The following SRBD1 variants were observed in gnomAD, a reference collection of about 807,000 sequenced individuals.
SRBD1 encodes the protein S1 RNA binding domain 1.
In SRBD1, 88 loss-of-function variants were observed where a neutral mutation model predicts 115.3. That is an observed-to-expected ratio of 0.76 (90% CI 0.64 to 0.91). SRBD1 has a LOEUF of 0.91. Among genes scored for constraint, SRBD1 ranks in the 40% least tolerant of loss-of-function variants. The pLI is 0.00. For synonymous variants in SRBD1, 509 were observed against 407.7 expected (o/e 1.25, Z -2.99); for missense variants, 1,385 against 1,177.4 (o/e 1.18, Z -2.58).
chr2:45,414,249 C>A (rs72616919), intron 18 of SRBD1, among the ~76,000 whole-genome samples: 6,897 of 152,098 alleles, frequency 0.045, 305 homozygotes, highest in East Asian at 0.14. Context: ...TTAAGTATAA[C>A]CCATACCAAG....
At position 45,413,168 on chromosome 2, in the gene SRBD1, G is replaced by C; in HGVS notation, c.2459C>G (p.Pro820Arg). Reference protein sequence around the residue: ...SKTAVNVLLKPNPLDQTCIHP... With the variant: ...SKTAVNVLLKRNPLDQTCIHP... ...AATACAAGTTTGGTCCAAAGGATTT[G>C]GCTTCAGTAAAACATTCACTGCAGT... Residue 820 changes from proline (P) to arginine (R), a missense_variant, in exon 19 of 21, where the codon CCA becomes CGA. Pro to Arg is a moderately radical substitution (Grantham distance 103). Coordinates refer to ENST00000263736, the MANE Select transcript of SRBD1 (RefSeq NM_018079.5). 1 of 1,614,076 alleles carries C rather than the reference G, an allele frequency of 6.2e-7. No individual in the cohort carries two copies. The highest frequency in any genetic ancestry group is 8.5e-7 in the Non-Finnish European group (1 of 1,179,968).
intron 18 of SRBD1, among the ~76,000 whole-genome samples, chr2:45,413,910 C>A (rs564169355): frequency 6.6e-6 from 1 of 151,246 alleles, no homozygotes; most frequent in African/African-American, 2.4e-5. Flanking sequence ...CCAGTTTGGG[C>A]AACAGAGGGA....
rs773144678 is a variant in SRBD1, at chr2:45,546,821, A to G, written c.1785T>C (p.Ile595=). 1.2e-6 allele frequency: 2 copies of G among 1,614,134 alleles called. No homozygotes were observed. The highest frequency in any genetic ancestry group is 1.7e-6 in the Non-Finnish European group (2 of 1,180,000). The stretch of plus-strand genomic sequence containing the variant: ...TTTCCCTGCAGGCAGTTCCATTTCC[A>G]ATCACTACTGTGCTGCAGCTTCAAG... ...LLNFNCSTVV[I]GNGTACRETE... The change falls in exon 14 of 21, where the codon ATT becomes ATC. Residue 595 remains isoleucine (I), a synonymous_variant. Transcript: ENST00000263736.
Position 45,599,502 on chromosome 2 carries a change from C to A in SRBD1, c.595G>T (p.Ala199Ser), listed in dbSNP as rs1259906366. ...TCCTCTTTAGTACTATTGGCATTTG[C>A]TGGAAACTTGACAGGCTGCCCCTGA... ...YPQGQPVKFP[A>S]NANSTKEEVE... The change falls in exon 4 of 21, where the codon GCA becomes TCA. Residue 199 changes from alanine (A) to serine (S), a missense_variant. Transcript: ENST00000263736. The A allele has an allele frequency of 1.2e-6, 2 of 1,614,148 alleles. No homozygotes were observed. Among genetic ancestry groups the A allele is most frequent in the Admixed American group, 3.3e-5 (2 of 60,028 alleles).
At chr2:45,602,652 C>T (rs1394217370) in intron 2 of SRBD1, among the ~76,000 whole-genome samples, 1 of 152,066 alleles carries the variant, frequency 6.6e-6, no homozygotes, top group Non-Finnish European at 1.5e-5. Context: ...GGATCAGGTG[C>T]GACTATAGTA....
intron 4 of SRBD1, among the ~76,000 whole-genome samples, chr2:45,597,572 C>T (rs1467801083): frequency 3.9e-5 from 6 of 152,142 alleles, no homozygotes; most frequent in Non-Finnish European, 8.8e-5. Flanking sequence ...AATAATAACT[C>T]AAACAGAGAA....
intron 16 of SRBD1, among the ~76,000 whole-genome samples, chr2:45,437,914 T>C (rs1404936108): frequency 2.0e-5 from 3 of 152,234 alleles, no homozygotes; most frequent in Non-Finnish European, 4.4e-5. Flanking sequence ...ATATGGATTT[T>C]GTTAAAATTT....
chr2:45,527,817 C>T (rs1387479403), intron 14 of SRBD1, among the ~76,000 whole-genome samples: 1 of 151,834 alleles, frequency 6.6e-6, no homozygotes, highest in African/African-American at 2.4e-5. Flanking sequence ...ATGCTCTTAA[C>T]TACAAAAGGG....
At chr2:45,581,061 G>T (rs1325921620) in intron 6 of SRBD1, among the ~76,000 whole-genome samples, 1 of 151,988 alleles carries the variant, frequency 6.6e-6, no homozygotes, top group Non-Finnish European at 1.5e-5. Context: ...TGCAGGAAAT[G>T]ATATCACAAA....
Position 45,562,587 on chromosome 2 carries a change from T to C in SRBD1, c.1409+66A>G, listed in dbSNP as rs191334347. 1.1e-4 allele frequency: 144 copies of C among 1,280,272 alleles called. 2 individuals carry two copies. The East Asian group carries it at 3.3e-3, about 29-fold the overall frequency. 79.3% of individuals were successfully genotyped at this position (1,280,272 alleles called of 1,614,324 possible). On this transcript the variant is annotated intron_variant, in intron 10 of 20. Transcript: ENST00000263736. ...ATAGACATCTTTACATATCAGTACATATAGATATCGGTATCATATTTTAGA... is the reference window on the plus strand; with the variant it reads ...ATAGACATCTTTACATATCAGTACACATAGATATCGGTATCATATTTTAGA...
intron 16 of SRBD1, among the ~76,000 whole-genome samples, chr2:45,471,562 C>T (rs950277358): frequency 6.6e-6 from 1 of 152,094 alleles, no homozygotes; most frequent in African/African-American, 2.4e-5. Context: ...TGCATTTTTA[C>T]AAGTGCATTT....
chr2:45,525,001 C>T (rs7573215), intron 14 of SRBD1, among the ~76,000 whole-genome samples: 23,314 of 151,874 alleles, frequency 0.15, 2,603 homozygotes, highest in African/African-American at 0.32. Context: ...CTACGGTCAA[C>T]TGATTAGGAC....
intron 16 of SRBD1, among the ~76,000 whole-genome samples, chr2:45,440,779 T>TA (rs1348208976): frequency 6.6e-6 from 1 of 152,094 alleles, no homozygotes; most frequent in Non-Finnish European, 1.5e-5. Context: ...TCTGAAACTA[T>TA]GGTTCTGTGT....
intron 16 of SRBD1, among the ~76,000 whole-genome samples, chr2:45,429,447 A>T (rs1479102667): frequency 2.0e-5 from 3 of 152,148 alleles, no homozygotes; most frequent in African/African-American, 4.8e-5. Context: ...TTATCCACCG[A>T]GATCAAGTTG....
chr2:45,540,740 A>G (rs1449906044), intron 14 of SRBD1, among the ~76,000 whole-genome samples: 1 of 152,222 alleles, frequency 6.6e-6, no homozygotes, highest in African/African-American at 2.4e-5. Flanking sequence ...AAGAAGATAC[A>G]TGGATGGCAA....
chr2:45,410,371 G>T (rs117079785), intron 19 of SRBD1, among the ~76,000 whole-genome samples: 2 of 152,008 alleles, frequency 1.3e-5, no homozygotes, highest in African/African-American at 4.8e-5. Context: ...AATTCCTCTC[G>T]TATGTATTTT....
chr2:45,595,485 T>C (rs573186935), intron 4 of SRBD1, among the ~76,000 whole-genome samples: 25 of 151,668 alleles, frequency 1.6e-4, no homozygotes, highest in African/African-American at 5.6e-4. Flanking sequence ...ATAATATGCA[T>C]GTTACAGGTA....
intron 14 of SRBD1, among the ~76,000 whole-genome samples, chr2:45,495,417 A>T (rs957829817): frequency 1.3e-5 from 2 of 152,214 alleles, no homozygotes; most frequent in African/African-American, 4.8e-5. Context: ...AGAAATTTCA[A>T]CAAAGAATGG....
chr2:45,464,954 T>A lies in SRBD1; in HGVS notation c.2049+12039A>T, dbSNP rs538929006. 2.6e-5 allele frequency among the ~76,000 whole-genome samples: 4 copies of A among 151,474 alleles called. No homozygotes were observed. The East Asian group carries it at 7.8e-4, about 30-fold the overall frequency. On this transcript the variant is annotated intron_variant, in intron 16 of 20. Transcript: ENST00000263736. ...TTTGTCATAACTATTCTCAATTAAT[T>A]GAGTACCAATACTCTGTTAAAAAGA...
Sources: gnomAD v4.1 joint callset for allele counts (sites outside exome capture counted in the v4.1 genomes callset) on GRCh38, gnomAD v4.1.1 for gene constraint, MANE v1.5 for transcripts, NCBI Gene and HGNC (gene_info 2026-07-23, HGNC 2026-07-21) for gene names.